The following BTBD10 variants were observed in gnomAD, a reference collection of about 807,000 sequenced individuals.
BTBD10 encodes the protein BTB domain containing 10.
A neutral mutation model predicts 53.2 loss-of-function variants in BTBD10; 21 were observed. The ratio of observed to expected loss-of-function variants is 0.39; its 90% CI spans 0.28 to 0.57. The LOEUF (loss-of-function observed/expected upper bound fraction) is 0.57, where lower values mean the gene tolerates loss of function less well. BTBD10 is among the 20% of genes least tolerant of loss of function. BTBD10 has a pLI of 0.53. For missense variants in BTBD10, 360 were observed against 594.7 expected, an observed-to-expected ratio of 0.61 and a Z score of 4.10; for synonymous variants, 149 against 192.7, an observed-to-expected ratio of 0.77 and a Z score of 1.88.
rs1949318606 is a variant in BTBD10, at chr11:13,388,658, T to C, written c.*173A>G. On this transcript the variant is annotated 3_prime_UTR_variant, in exon 9 of 9. Coordinates refer to ENST00000278174, the MANE Select transcript of BTBD10 (RefSeq NM_032320.7). ...CTTCAAAATGCTAGAGTTGTACTCA[T>C]TTAAAAAAAAACCATTCAGCTACCT... 6.2e-6 allele frequency: 4 copies of C among 641,472 alleles called. No individual in the cohort carries two copies. The South Asian group carries it at 7.4e-5, about 12-fold the overall frequency. The allele number at this position is 641,472 out of a possible 1,614,324, so 39.7% of individuals were successfully genotyped here. A position where few individuals can be genotyped will look rare whatever the true frequency, so the allele number is the denominator to read the frequency against.
chr11:13,397,866 T>C (rs1173938225), intron 8 of BTBD10, among the ~76,000 whole-genome samples: 1 of 152,238 alleles, frequency 6.6e-6, no homozygotes, highest in Non-Finnish European at 1.5e-5. Flanking sequence ...GTGAGTTTCT[T>C]AATCCTGAGT....
At chr11:13,438,666 A>T (rs1391593351) in intron 2 of BTBD10, among the ~76,000 whole-genome samples, 1 of 151,960 alleles carries the variant, frequency 6.6e-6, no homozygotes, top group African/African-American at 2.4e-5. Context: ...ATACACAGAA[A>T]AAACAGGTTA....
intron 7 of BTBD10, among the ~76,000 whole-genome samples, chr11:13,404,289 T>C (rs1565234811): frequency 1.3e-5 from 2 of 152,238 alleles, no homozygotes; most frequent in East Asian, 1.9e-4. Flanking sequence ...ATCATCTTGA[T>C]ACAAAATAAT....
intron 2 of BTBD10, among the ~76,000 whole-genome samples, chr11:13,443,594 C>T (rs879886892): frequency 2.7e-5 from 4 of 148,690 alleles, no homozygotes; most frequent in Non-Finnish European, 6.0e-5. Context: ...TGTGATAAAA[C>T]CAATACTTTT....
chr11:13,440,022 T>G (rs755393064), intron 2 of BTBD10: 2 of 1,533,840 alleles, frequency 1.3e-6, no homozygotes, highest in East Asian at 4.9e-5. Context: ...TAGGAAACTT[T>G]AGCACATCTG....
At chr11:13,404,132 A>G (rs1949767508) in intron 7 of BTBD10, among the ~76,000 whole-genome samples, 1 of 152,208 alleles carries the variant, frequency 6.6e-6, no homozygotes, top group African/African-American at 2.4e-5. Flanking sequence ...ATTTGTGATT[A>G]TTACTACATC....
At chr11:13,389,458 T>C (rs933420088) in intron 8 of BTBD10, among the ~76,000 whole-genome samples, 1 of 151,190 alleles carries the variant, frequency 6.6e-6, no homozygotes, top group Non-Finnish European at 1.5e-5. Context: ...ACATGGAGTC[T>C]CACTTTGTCA....
At chr11:13,431,883 T>C (rs1345341742) in intron 2 of BTBD10, among the ~76,000 whole-genome samples, 1 of 152,094 alleles carries the variant, frequency 6.6e-6, no homozygotes, top group Admixed American at 6.6e-5. Context: ...TAGAGACTCC[T>C]ACAAGGGGAA....
chr11:13,444,055 C>T (rs1809813140), intron 2 of BTBD10, among the ~76,000 whole-genome samples: 1 of 152,026 alleles, frequency 6.6e-6, no homozygotes, highest in Non-Finnish European at 1.5e-5. Context: ...AAAAAGTCAA[C>T]TTAATATTAA....
At chr11:13,398,966 GC>G (rs1427025576) in intron 8 of BTBD10, among the ~76,000 whole-genome samples, 1 of 152,180 alleles carries the variant, frequency 6.6e-6, no homozygotes, top group Non-Finnish European at 1.5e-5. Flanking sequence ...CTCTCTGGCT[GC>G]CCTTAACATT....
At chr11:13,448,758 G>A (rs1407429410) in intron 1 of BTBD10, among the ~76,000 whole-genome samples, 4 of 152,040 alleles carry the variant, frequency 2.6e-5, no homozygotes, top group Admixed American at 6.6e-5. Flanking sequence ...AAACTGAATG[G>A]CTCCTCGTTT....
At chr11:13,399,391 G>A (rs574340668) in intron 8 of BTBD10, among the ~76,000 whole-genome samples, 7 of 152,176 alleles carry the variant, frequency 4.6e-5, no homozygotes, top group Non-Finnish European at 7.3e-5. Flanking sequence ...GTGGCTTTCA[G>A]CTCCATCAGG....
At position 13,388,829 on chromosome 11, in the gene BTBD10, C is replaced by T. The variant is rs1430690653; in HGVS notation, c.*2G>A. 4 of 1,606,868 alleles carry T rather than the reference C, an allele frequency of 2.5e-6. No homozygotes were observed. The highest frequency in any genetic ancestry group is 2.2e-5 in the South Asian group (2 of 90,334). ...ATGCTATGGTTTCAAGGAAGATCAG[C>T]ATCACAGCATTGGATTCTGTGCATC... On this transcript the variant is annotated 3_prime_UTR_variant, in exon 9 of 9. Coordinates refer to ENST00000278174, the MANE Select transcript of BTBD10 (RefSeq NM_032320.7).
Position 13,438,708 on chromosome 11 carries a change from TA to T in BTBD10, c.101+6315del, listed in dbSNP as rs550044855. 3.9e-5 allele frequency among the ~76,000 whole-genome samples: 6 copies of T among 152,108 alleles called. No homozygotes were observed. In the South Asian group the frequency reaches 1.2e-3, roughly 32 times the overall value. On this transcript the variant is annotated intron_variant, in intron 2 of 8. Transcript: ENST00000278174. ...AAAATATTTATTTTTCTTTTTATAATAGAAAAACTTATTTTCATTTTCTTCT... is the reference window on the plus strand; with the variant it reads ...AAAATATTTATTTTTCTTTTTATAATGAAAAACTTATTTTCATTTTCTTCT...
chr11:13,461,333 CT>C (rs1951091032), intron 1 of BTBD10, among the ~76,000 whole-genome samples: 1 of 152,134 alleles, frequency 6.6e-6, no homozygotes, highest in African/African-American at 2.4e-5. Context: ...TCCGAGTTCT[CT>C]TGAGAATGCT....
intron 6 of BTBD10, among the ~76,000 whole-genome samples, chr11:13,411,283 C>A (rs984174019): frequency 1.3e-5 from 2 of 152,128 alleles, no homozygotes; most frequent in African/African-American, 4.8e-5. Context: ...AGAGAACATG[C>A]AAGCAAATTG....
At chr11:13,399,896 G>A (rs1048420214) in intron 8 of BTBD10, among the ~76,000 whole-genome samples, 7 of 152,108 alleles carry the variant, frequency 4.6e-5, no homozygotes, top group Non-Finnish European at 7.4e-5. Flanking sequence ...CTGCCTGATC[G>A]TTCCTCTGGA....
chr11:13,424,815 T>C (rs72857016), intron 2 of BTBD10, among the ~76,000 whole-genome samples: 4,212 of 152,180 alleles, frequency 0.028, 148 homozygotes, highest in South Asian at 0.083. Flanking sequence ...AGAGCAATCA[T>C]TGAAAAATGG....
At chr11:13,453,819 C>G (rs140132555) in intron 1 of BTBD10, among the ~76,000 whole-genome samples, 1 of 152,004 alleles carries the variant, frequency 6.6e-6, no homozygotes, top group Non-Finnish European at 1.5e-5. Context: ...TTTGGGAGGC[C>G]GAGGCAGGTG....
Sources: gnomAD v4.1 joint callset for allele counts (sites outside exome capture counted in the v4.1 genomes callset) on GRCh38, gnomAD v4.1.1 for gene constraint, MANE v1.5 for transcripts, NCBI Gene and HGNC (gene_info 2026-07-23, HGNC 2026-07-21) for gene names.